The following APBB2 variants were observed in gnomAD, a reference collection of about 807,000 sequenced individuals.
APBB2 encodes the protein Fe65-like 1.
A neutral mutation model predicts 82.5 loss-of-function variants in APBB2; 38 were observed. The observed-to-expected ratio is 0.46, with a 90% CI of 0.36 to 0.60. The LOEUF (loss-of-function observed/expected upper bound fraction) is 0.60, where lower values mean the gene tolerates loss of function less well. Ranked by LOEUF, APBB2 falls within the 20% of genes least tolerant of loss-of-function variation. APBB2 has a pLI of 0.00. For missense variants in APBB2, 772 were observed against 972.3 expected, an observed-to-expected ratio of 0.79 and a Z score of 2.74; for synonymous variants, 341 against 368.2, an observed-to-expected ratio of 0.93 and a Z score of 0.85.
At chr4:40,871,576 C>T (rs927727110) in intron 12 of APBB2, among the ~76,000 whole-genome samples, 3 of 152,204 alleles carry the variant, frequency 2.0e-5, no homozygotes, top group African/African-American at 7.2e-5. Context: ...TGGTTTCAGA[C>T]ACGGTTCAGC....
intron 7 of APBB2, among the ~76,000 whole-genome samples, chr4:40,939,172 C>G (rs547679910): frequency 1.3e-5 from 2 of 152,300 alleles, no homozygotes; most frequent in African/African-American, 4.8e-5. Flanking sequence ...ATAAATTACC[C>G]AGTTTCAGGT....
chr4:41,044,834 A>C (rs1411482532), intron 4 of APBB2, among the ~76,000 whole-genome samples: 3 of 152,126 alleles, frequency 2.0e-5, no homozygotes, highest in Non-Finnish European at 4.4e-5. Context: ...CTAAGGTGAT[A>C]TTCTAAAATA....
intron 12 of APBB2, among the ~76,000 whole-genome samples, chr4:40,881,636 C>T (rs1347526786): frequency 4.1e-5 from 6 of 144,658 alleles, no homozygotes; most frequent in African/African-American, 1.3e-4. Context: ...CAGGTTCAGG[C>T]GATTCTCCTG....
At chr4:40,833,474 C>T (rs909335431) in intron 12 of APBB2, among the ~76,000 whole-genome samples, 4 of 152,208 alleles carry the variant, frequency 2.6e-5, no homozygotes, top group South Asian at 2.1e-4. Flanking sequence ...CTCAACGGTC[C>T]GCCTGGTCCT....
intron 2 of APBB2, among the ~76,000 whole-genome samples, chr4:41,129,516 A>C (rs909469067): frequency 2.6e-5 from 4 of 152,344 alleles, no homozygotes; most frequent in African/African-American, 9.6e-5. Context: ...TTTGCACAGA[A>C]GTTTGGACAC....
At chr4:41,088,545 GA>G (rs562469715) in intron 3 of APBB2, among the ~76,000 whole-genome samples, 186 of 152,306 alleles carry the variant, frequency 1.2e-3, no homozygotes, top group African/African-American at 4.2e-3. Flanking sequence ...ATAAGAAATG[GA>G]AACTAGCAAG....
chr4:40,823,819 G>GTAAGT, intron 15 of APBB2, 60 bp from the exon 16 acceptor site: 1 of 1,095,592 alleles, frequency 9.1e-7, no homozygotes, highest in Non-Finnish European at 1.4e-6. Context: ...CTCAAATGTG[G>GTAAGT]GCCCAAATCA....
At chr4:40,833,910 G>A (rs1000547555) in intron 12 of APBB2, among the ~76,000 whole-genome samples, 5 of 152,202 alleles carry the variant, frequency 3.3e-5, no homozygotes, top group African/African-American at 4.8e-5. Flanking sequence ...TATTCCTATC[G>A]AACTTCGGCT....
intron 3 of APBB2, among the ~76,000 whole-genome samples, chr4:41,100,094 C>T (rs1447248352): frequency 6.6e-6 from 1 of 152,018 alleles, no homozygotes; most frequent in Non-Finnish European, 1.5e-5. Flanking sequence ...CTTATAGTGC[C>T]CTCAAAAAAA....
chr4:41,014,976 T>G (rs574592286), intron 5 of APBB2, among the ~76,000 whole-genome samples: 1 of 152,238 alleles, frequency 6.6e-6, no homozygotes, highest in Non-Finnish European at 1.5e-5. Context: ...GTGAACATTT[T>G]TGACCTGGGC....
intron 12 of APBB2, among the ~76,000 whole-genome samples, chr4:40,831,243 C>CA (rs1333659951): frequency 2.0e-5 from 3 of 151,704 alleles, no homozygotes; most frequent in African/African-American, 7.3e-5. Context: ...ACTAAAAATA[C>CA]AAAAAATTAG....
chr4:40,904,349 T>C, intron 10 of APBB2, among the ~76,000 whole-genome samples: 1 of 152,068 alleles, frequency 6.6e-6, no homozygotes, highest in East Asian at 1.9e-4. Context: ...GAGAATTGCT[T>C]GAACCTGGGA....
intron 12 of APBB2, among the ~76,000 whole-genome samples, chr4:40,869,654 AGT>A (rs1206270220): frequency 6.6e-6 from 1 of 152,150 alleles, no homozygotes; most frequent in Non-Finnish European, 1.5e-5. Context: ...CTATAAACAA[AGT>A]GGGCCAGAAT....
At chr4:40,833,125 C>G (rs1002484086) in intron 12 of APBB2, among the ~76,000 whole-genome samples, 6 of 152,252 alleles carry the variant, frequency 3.9e-5, no homozygotes, top group African/African-American at 1.4e-4. Context: ...GCTTCTGGTT[C>G]TCCTCCCTAG....
intron 12 of APBB2, among the ~76,000 whole-genome samples, chr4:40,840,282 A>G (rs948447624): frequency 6.6e-5 from 10 of 152,232 alleles, no homozygotes; most frequent in Non-Finnish European, 1.5e-4. Context: ...TGGGCTATAC[A>G]AAAATGTGGG....
chr4:41,089,926 C>T (rs1272711659), intron 3 of APBB2, among the ~76,000 whole-genome samples: 1 of 152,126 alleles, frequency 6.6e-6, no homozygotes, highest in African/African-American at 2.4e-5. Context: ...TACCTGAACA[C>T]CGAAAGCTTT....
chr4:41,123,908 A>G (rs143009441), intron 2 of APBB2, among the ~76,000 whole-genome samples: 1 of 152,304 alleles, frequency 6.6e-6, no homozygotes, highest in East Asian at 1.9e-4. Flanking sequence ...AAGGGCAGAG[A>G]TATCTGTAAA....
chr4:41,006,764 C>T (rs1806873468), intron 6 of APBB2, among the ~76,000 whole-genome samples: 1 of 152,124 alleles, frequency 6.6e-6, no homozygotes, highest in Non-Finnish European at 1.5e-5. Flanking sequence ...CCGCGCCCAG[C>T]CATGGGCCTA....
intron 12 of APBB2, among the ~76,000 whole-genome samples, chr4:40,871,354 A>C (rs1312969911): frequency 2.0e-5 from 3 of 151,782 alleles, no homozygotes; most frequent in Non-Finnish European, 4.4e-5. Flanking sequence ...CACGTTGGCC[A>C]GGCTGGTCTC....
Sources: gnomAD v4.1 joint callset for allele counts (sites outside exome capture counted in the v4.1 genomes callset) on GRCh38, gnomAD v4.1.1 for gene constraint, MANE v1.5 for transcripts, NCBI Gene and HGNC (gene_info 2026-07-23, HGNC 2026-07-21) for gene names.